The following CUL5 variants were observed in gnomAD, a reference collection of about 807,000 sequenced individuals.
The protein encoded by CUL5 is cullin 5.
Under a neutral mutation model 108.8 loss-of-function variants are expected in CUL5, and 26 were observed. That is an observed-to-expected ratio of 0.24 (90% CI 0.18 to 0.33). The LOEUF (loss-of-function observed/expected upper bound fraction) is 0.33. CUL5 is among the 10% of genes least tolerant of loss of function. CUL5 has a pLI of 1.00. For missense variants in CUL5, 524 were observed against 909.2 expected, an observed-to-expected ratio of 0.58 and a Z score of 5.45; for synonymous variants, 334 against 298.0, an observed-to-expected ratio of 1.12 and a Z score of -1.25.
At chr11:108,081,829 T>A (rs1312185267) in intron 11 of CUL5, among the ~76,000 whole-genome samples, 1 of 152,240 alleles carries the variant, frequency 6.6e-6, no homozygotes, top group African/African-American at 2.4e-5. Flanking sequence ...TATATATTTG[T>A]CCTTATGCTG....
At chr11:108,086,607 A>G (rs1410958494) in intron 11 of CUL5, among the ~76,000 whole-genome samples, 1 of 152,214 alleles carries the variant, frequency 6.6e-6, no homozygotes, top group African/African-American at 2.4e-5. Flanking sequence ...TCCCTAGAGC[A>G]TGCCAGTATG....
At position 108,052,716 on chromosome 11, in the gene CUL5, A is replaced by G; in HGVS notation, c.468A>G (p.Gln156=). 1 of 1,613,576 alleles carries G rather than the reference A, an allele frequency of 6.2e-7. No individual in the cohort carries two copies. Among genetic ancestry groups the G allele is most frequent in the Non-Finnish European group, 8.5e-7 (1 of 1,179,558 alleles). The part of the protein sequence containing the change: ...SIFSNIKNRL[Q]DSAMKLVHAE... ...TTTCAAACATAAAAAACAGACTCCA[A>G]GATAGTGCAATGAAGCTGGTACATG... Residue 156 remains glutamine (Q), a synonymous_variant, in exon 5 of 19, where the codon CAA becomes CAG. Coordinates refer to ENST00000393094, the MANE Select transcript of CUL5 (RefSeq NM_003478.6).
Position 108,009,138 on chromosome 11 carries a change from A to G in CUL5, c.-211A>G. The G allele has an allele frequency of 3.4e-6, 2 of 595,320 alleles. No homozygotes were observed. Among genetic ancestry groups the G allele is most frequent in the Non-Finnish European group, 6.1e-6 (2 of 328,380 alleles). The allele number at this position is 595,320 out of a possible 1,614,324, so 36.9% of individuals were successfully genotyped here. A position where few individuals can be genotyped will look rare whatever the true frequency, so the allele number is the denominator to read the frequency against. ...GTGCATGAGGTCTTTCGCGTGGGGA[A>G]GCTCCGGTGACCATGTAGGGGAGAA... On this transcript the variant is annotated 5_prime_UTR_variant, in exon 1 of 19. Transcript: ENST00000393094.
intron 7 of CUL5, among the ~76,000 whole-genome samples, chr11:108,066,078 C>T (rs1467326000): frequency 1.3e-5 from 2 of 152,114 alleles, no homozygotes; most frequent in East Asian, 1.9e-4. Context: ...TGGTGGCTCA[C>T]GCCTCTAATC....
intron 2 of CUL5, among the ~76,000 whole-genome samples, chr11:108,040,662 G>GTAGTCCCAA (rs1862878241): frequency 6.7e-6 from 1 of 150,210 alleles, no homozygotes; most frequent in Non-Finnish European, 1.5e-5. Flanking sequence ...GCACGTGCCT[G>GTAGTCCCAA]TAGTCCCAAC....
chr11:108,022,552 A>G (rs906744997), intron 1 of CUL5, among the ~76,000 whole-genome samples: 1 of 152,300 alleles, frequency 6.6e-6, no homozygotes, highest in South Asian at 2.1e-4. Context: ...AGAAAGATCT[A>G]TGTAACATCT....
intron 5 of CUL5, 127 bp downstream of exon 5, chr11:108,052,928 T>C: frequency 1.5e-6 from 1 of 674,740 alleles, no homozygotes; most frequent in South Asian, 3.5e-5. Flanking sequence ...ACTAGATACT[T>C]TTTTTGAGAG....
intron 2 of CUL5, among the ~76,000 whole-genome samples, chr11:108,039,783 T>G (rs1367111552): frequency 1.3e-5 from 2 of 152,238 alleles, no homozygotes; most frequent in Non-Finnish European, 2.9e-5. Flanking sequence ...TTTAATGTTA[T>G]GACTGATATT....
chr11:108,076,116 C>T (rs1380311909), intron 10 of CUL5, among the ~76,000 whole-genome samples: 5 of 152,092 alleles, frequency 3.3e-5, no homozygotes, highest in Admixed American at 6.6e-5. Context: ...ACTGGAGCTT[C>T]GACCCCTCTG....
intron 12 of CUL5, among the ~76,000 whole-genome samples, 187 bp downstream of exon 12, chr11:108,088,846 G>A (rs893960632): frequency 2.0e-5 from 3 of 151,564 alleles, no homozygotes; most frequent in Non-Finnish European, 4.4e-5. Context: ...TTATTCTACA[G>A]CTTCTTGAAA....
intron 4 of CUL5, among the ~76,000 whole-genome samples, chr11:108,051,637 A>T (rs921048227): frequency 6.6e-6 from 1 of 152,202 alleles, no homozygotes; most frequent in Non-Finnish European, 1.5e-5. Flanking sequence ...CAATGTTTAT[A>T]TACCATTTTT....
At chr11:108,021,759 T>G (rs1591275760) in intron 1 of CUL5, among the ~76,000 whole-genome samples, 1 of 152,170 alleles carries the variant, frequency 6.6e-6, no homozygotes, top group East Asian at 1.9e-4. Flanking sequence ...CAAGTGATTG[T>G]CCTGCCTTGA....
intron 10 of CUL5, among the ~76,000 whole-genome samples, chr11:108,074,229 T>C (rs1486320656): frequency 6.8e-6 from 1 of 147,934 alleles, no homozygotes; most frequent in East Asian, 2.0e-4. Context: ...AGTTTCGCTC[T>C]TGTTGCCCAG....
At chr11:108,017,129 C>T (rs1329717386) in intron 1 of CUL5, among the ~76,000 whole-genome samples, 1 of 152,166 alleles carries the variant, frequency 6.6e-6, no homozygotes, top group Non-Finnish European at 1.5e-5. Context: ...TGGCTCACAC[C>T]TGTAATCCAA....
chr11:108,039,669 C>T (rs932587728), intron 2 of CUL5, among the ~76,000 whole-genome samples: 1 of 152,170 alleles, frequency 6.6e-6, no homozygotes, highest in Non-Finnish European at 1.5e-5. Flanking sequence ...TAGTTTCCAT[C>T]TATGAATTTG....
intron 18 of CUL5, among the ~76,000 whole-genome samples, chr11:108,101,999 A>G (rs1230090693): frequency 2.0e-5 from 3 of 152,092 alleles, no homozygotes; most frequent in Non-Finnish European, 4.4e-5. Context: ...TTCTGGTGTC[A>G]TCATATCTTT....
chr11:108,068,743 G>A (rs1863752419), intron 7 of CUL5, among the ~76,000 whole-genome samples: 1 of 152,026 alleles, frequency 6.6e-6, no homozygotes, highest in African/African-American at 2.4e-5. Flanking sequence ...ATAATTACAT[G>A]ACACGAGGGA....
Position 108,082,274 on chromosome 11 carries a change from CTCTT to C in CUL5, c.1178+4042_1178+4045del, listed in dbSNP as rs149153584. Among the ~76,000 whole-genome samples the C allele has an allele frequency of 2.4e-3, 352 of 149,140 alleles. 1 individual carries two copies. Among genetic ancestry groups the C allele is most frequent in the African/African-American group, 7.2e-3 (291 of 40,578 alleles). On this transcript the variant is annotated intron_variant, in intron 11 of 18. Coordinates refer to ENST00000393094, the MANE Select transcript of CUL5 (RefSeq NM_003478.6). ...CCTTTCCCTTCCCCTTCCTTCTTCTCTCTTTCTTTCTGTTTTTTTTTTTTTAAGA... is the reference window on the plus strand; with the variant it reads ...CCTTTCCCTTCCCCTTCCTTCTTCTCTCTTTCTGTTTTTTTTTTTTTAAGA...
chr11:108,090,992 G>C (rs1012781494), intron 13 of CUL5, among the ~76,000 whole-genome samples: 38 of 152,116 alleles, frequency 2.5e-4, no homozygotes. Flanking sequence ...GGGGAAAATA[G>C]CAAAACTAAT....
Sources: gnomAD v4.1 joint callset for allele counts (sites outside exome capture counted in the v4.1 genomes callset) on GRCh38, gnomAD v4.1.1 for gene constraint, MANE v1.5 for transcripts, NCBI Gene and HGNC (gene_info 2026-07-23, HGNC 2026-07-21) for gene names.